The following PVT1 variants were observed in gnomAD, a reference collection of about 807,000 sequenced individuals.
PVT1 encodes the protein Pvt1 oncogene, also known as CXCR4/PVT1 fusion.
chr8:128,017,422 C>T (rs1817386192), intron 4 of PVT1, among the ~76,000 whole-genome samples: 1 of 152,028 alleles, frequency 6.6e-6, no homozygotes, highest in South Asian at 2.1e-4. Flanking sequence ...ACTACATGGC[C>T]AGCTGCCTCC....
chr8:128,097,700 G>A (rs534096669), intron 6 of PVT1, among the ~76,000 whole-genome samples: 2 of 152,298 alleles, frequency 1.3e-5, no homozygotes, highest in South Asian at 2.1e-4. Context: ...AAGGCATGGA[G>A]AGGTTTAACT....
Position 128,060,738 on chromosome 8 carries a change from C to T in PVT1, n.913-9422C>T, listed in dbSNP as rs1030065478. On this transcript the variant is annotated intron_variant and non_coding_transcript_variant, in intron 4 of 10. Transcript: ENST00000651587. ...TCTGCCCATTACAATTGTCTTTACTCTTTTTGATTCTGAATGTTCTTTTTT... is the reference window on the plus strand; with the variant it reads ...TCTGCCCATTACAATTGTCTTTACTTTTTTTGATTCTGAATGTTCTTTTTT... Among the ~76,000 whole-genome samples the T allele has an allele frequency of 2.6e-5, 4 of 152,258 alleles. No individual in the cohort carries two copies. The South Asian group carries it at 8.3e-4, about 32-fold the overall frequency.
At chr8:128,012,479 GAGTTTAGC>G (rs1010891932) in intron 4 of PVT1, among the ~76,000 whole-genome samples, 8 of 152,194 alleles carry the variant, frequency 5.3e-5, no homozygotes, top group African/African-American at 1.9e-4. Flanking sequence ...AGAGTTGAGT[GAGTTTAGC>G]AAGGTTTTCA....
chr8:127,939,974 C>A (rs1816328143), intron 3 of PVT1: 1 of 152,098 alleles, frequency 6.6e-6, no homozygotes, highest in African/African-American at 2.4e-5. Flanking sequence ...AGGCCTGAAC[C>A]CTGCATTTTG....
intron 2 of PVT1, among the ~76,000 whole-genome samples, chr8:127,860,525 G>T (rs1815210984): frequency 6.6e-6 from 1 of 151,994 alleles, no homozygotes; most frequent in South Asian, 2.1e-4. Flanking sequence ...AGCACTTCGG[G>T]AGGCCAAGGT....
intron 5 of PVT1, among the ~76,000 whole-genome samples, chr8:128,082,575 C>T (rs931431787): frequency 1.3e-5 from 2 of 152,206 alleles, no homozygotes; most frequent in African/African-American, 4.8e-5. Flanking sequence ...CACCAAGTCT[C>T]AGGGAAGTCA....
At chr8:127,936,955 A>G (rs1816283873) in intron 3 of PVT1, among the ~76,000 whole-genome samples, 2 of 152,240 alleles carry the variant, frequency 1.3e-5, no homozygotes, top group Admixed American at 6.5e-5. Flanking sequence ...ATGTTCACAT[A>G]TGTGCCTTGG....
chr8:127,803,807 G>A (rs550336112), intron 2 of PVT1, among the ~76,000 whole-genome samples: 6 of 149,114 alleles, frequency 4.0e-5, no homozygotes, highest in South Asian at 4.4e-4. Flanking sequence ...TGCAACCTCC[G>A]CCTCCTGGGT....
chr8:128,048,517 T>C (rs2130100535), intron 4 of PVT1: 1 of 152,280 alleles, frequency 6.6e-6, no homozygotes, highest in African/African-American at 2.4e-5. Flanking sequence ...TAGCTGACAT[T>C]GTCAGTTAAG....
chr8:127,896,699 A>G (rs1158325373), intron 3 of PVT1, among the ~76,000 whole-genome samples: 1 of 151,100 alleles, frequency 6.6e-6, no homozygotes, highest in Non-Finnish European at 1.5e-5. Flanking sequence ...GTGCCATGTG[A>G]TTTGCTGCAT....
rs948733112 is a variant in PVT1 at position 127,836,807 on chromosome 8, A to G, written n.372+40736A>G. 2.6e-5 allele frequency among the ~76,000 whole-genome samples: 4 copies of G among 152,286 alleles called. No individual in the cohort carries two copies. In the East Asian group the frequency reaches 7.7e-4, roughly 29 times the overall value. ...TCAGCGAGCAAGAAAGCCTAGATTC[A>G]TACCTGGGCATATGGCTTCAGAGTC... On this transcript the variant is annotated intron_variant and non_coding_transcript_variant, in intron 2 of 10. Coordinates refer to ENST00000651587, the Ensembl canonical transcript of PVT1.
At chr8:128,003,201 A>G (rs1817204431) in intron 4 of PVT1, among the ~76,000 whole-genome samples, 1 of 116,118 alleles carries the variant, frequency 8.6e-6, no homozygotes, top group Non-Finnish European at 1.7e-5. Flanking sequence ...ACTGTGTTAG[A>G]CAATCCTGCC....
At position 127,962,305 on chromosome 8, in the gene PVT1, G is replaced by C. The variant is rs375187715; in HGVS notation, n.783-26857G>C. Among the ~76,000 whole-genome samples, 16 of 152,344 alleles carry C rather than the reference G, an allele frequency of 1.1e-4. 1 individual carries two copies. The South Asian group carries it at 2.9e-3, about 28-fold the overall frequency. ...TGAGCCCAGGGCTGGCTCACTGGGAGTGGGCCACACATTTAGGGGGTTGTT... is the reference window on the plus strand; with the variant it reads ...TGAGCCCAGGGCTGGCTCACTGGGACTGGGCCACACATTTAGGGGGTTGTT... On this transcript the variant is annotated intron_variant and non_coding_transcript_variant, in intron 3 of 10. Coordinates refer to ENST00000651587, the Ensembl canonical transcript of PVT1.
intron 3 of PVT1, among the ~76,000 whole-genome samples, chr8:127,930,174 T>G (rs1005470132): frequency 1.2e-4 from 19 of 152,140 alleles, no homozygotes; most frequent in African/African-American, 2.7e-4. Flanking sequence ...TATTTTTTTT[T>G]GGGACAGAGT....
intron 4 of PVT1, among the ~76,000 whole-genome samples, chr8:128,067,162 A>G (rs149965377): frequency 1.1e-3 from 162 of 152,316 alleles, no homozygotes; most frequent in African/African-American, 3.8e-3. Context: ...CTGCATGGTT[A>G]TCTAACAATC....
intron 6 of PVT1, among the ~76,000 whole-genome samples, chr8:128,098,667 G>A (rs1310044915): frequency 2.0e-5 from 3 of 152,152 alleles, no homozygotes; most frequent in Non-Finnish European, 4.4e-5. Flanking sequence ...GAGATAATAT[G>A]GTTCCTGGCA....
At chr8:127,796,080 G>T (rs58568796) in intron 2 of PVT1, 107 of 170,396 alleles carry the variant, frequency 6.3e-4, no homozygotes, top group African/African-American at 2.3e-3. Flanking sequence ...GGGTATGACT[G>T]TGGGGTATAT....
intron 3 of PVT1, among the ~76,000 whole-genome samples, chr8:127,952,121 A>G (rs917499894): frequency 6.6e-6 from 1 of 152,140 alleles, no homozygotes; most frequent in African/African-American, 2.4e-5. Context: ...GCCAAAAAAC[A>G]GAATTCTTTC....
At chr8:128,093,009 C>G (rs1365670398) in intron 5 of PVT1, among the ~76,000 whole-genome samples, 3 of 152,326 alleles carry the variant, frequency 2.0e-5, no homozygotes, top group African/African-American at 4.8e-5. Flanking sequence ...CCTCTTCCAC[C>G]AAGCTTTTCT....
Sources: gnomAD v4.1 joint callset for allele counts (sites outside exome capture counted in the v4.1 genomes callset) on GRCh38, gnomAD v4.1.1 for gene constraint, MANE v1.5 for transcripts, NCBI Gene and HGNC (gene_info 2026-07-23, HGNC 2026-07-21) for gene names.